The following CDC14A variants were observed in gnomAD, a reference collection of about 807,000 sequenced individuals.
CDC14A encodes cell division cycle 14A.
In CDC14A, 53 loss-of-function variants were observed where a neutral mutation model predicts 74.4. The observed-to-expected ratio is 0.71, with a 90% CI of 0.57 to 0.89. The LOEUF (loss-of-function observed/expected upper bound fraction) is 0.89. Among genes scored for constraint, CDC14A ranks in the 40% least tolerant of loss-of-function variants. The pLI, the probability that CDC14A is intolerant of heterozygous loss-of-function variation, is 0.00. For missense variants in CDC14A, 646 were observed against 713.7 expected (o/e 0.91, Z 1.08); for synonymous variants, 247 against 258.4 (o/e 0.96, Z 0.43).
chr1:100,498,614 C>T (rs1648234621), intron 14 of CDC14A, among the ~76,000 whole-genome samples: 1 of 152,160 alleles, frequency 6.6e-6, no homozygotes, highest in Non-Finnish European at 1.5e-5. Flanking sequence ...TGGCCCTTTT[C>T]CTTTACTTCC....
chr1:100,399,574 T>G (rs1277852724), intron 4 of CDC14A, among the ~76,000 whole-genome samples: 1 of 152,200 alleles, frequency 6.6e-6, no homozygotes, highest in African/African-American at 2.4e-5. Flanking sequence ...TAGTAATCAT[T>G]TTTTTGATTA....
chr1:100,472,820 A>G (rs1668519642), intron 10 of CDC14A, among the ~76,000 whole-genome samples: 1 of 152,054 alleles, frequency 6.6e-6, no homozygotes, highest in Admixed American at 6.5e-5. Context: ...TTTCGTTGAA[A>G]ATTCAGTTTC....
intron 10 of CDC14A, among the ~76,000 whole-genome samples, chr1:100,482,779 T>C (rs550976192): frequency 9.9e-5 from 15 of 152,160 alleles, no homozygotes; most frequent in African/African-American, 3.4e-4. Context: ...TCTCTCTCTC[T>C]GTGTATATAT....
chr1:100,489,363 C>A (rs1334967100), intron 11 of CDC14A, among the ~76,000 whole-genome samples: 2 of 151,980 alleles, frequency 1.3e-5, no homozygotes, highest in Admixed American at 1.3e-4. Context: ...ATCTTTATTC[C>A]CTAGTGTGCT....
rs1042745307 is a variant in CDC14A at position 100,518,427 on chromosome 1, C to G, written c.*147C>G. On this transcript the variant is annotated 3_prime_UTR_variant, in exon 16 of 16. Transcript: ENST00000336454. ...AAAAAGAGCACTAAGATAACACCTT[C>G]AAGAGACTTGAAAACAGAAAACTGG... 5 of 616,824 alleles carry G rather than the reference C, an allele frequency of 8.1e-6. No individual in the cohort carries two copies. Among genetic ancestry groups the G allele is most frequent in the Non-Finnish European group, 1.4e-5 (5 of 345,116 alleles). The allele number at this position is 616,824 out of a possible 1,614,324, so 38.2% of individuals were successfully genotyped here.
intron 2 of CDC14A, among the ~76,000 whole-genome samples, chr1:100,376,030 G>A (rs951654027): frequency 6.6e-6 from 1 of 152,040 alleles, no homozygotes; most frequent in African/African-American, 2.4e-5. Context: ...CCATCATTCT[G>A]AGCAAACTAT....
At chr1:100,358,475 C>T (rs1379265614) in intron 2 of CDC14A, among the ~76,000 whole-genome samples, 1 of 152,188 alleles carries the variant, frequency 6.6e-6, no homozygotes, top group Non-Finnish European at 1.5e-5. Context: ...CATTTTCAGC[C>T]TGTCCATTGT....
intron 11 of CDC14A, chr1:100,485,143 AT>A (rs1193542188): frequency 1.0e-6 from 1 of 985,260 alleles, no homozygotes; most frequent in African/African-American, 1.7e-5. Flanking sequence ...GATTATGAGC[AT>A]TTTTGGAACT....
intron 15 of CDC14A, among the ~76,000 whole-genome samples, chr1:100,501,563 C>T (rs1648734051): frequency 6.6e-6 from 1 of 152,180 alleles, no homozygotes; most frequent in Admixed American, 6.5e-5. Context: ...CAATTATGTA[C>T]AGTGCATAAT....
chr1:100,400,467 A>C (rs1158407738), intron 4 of CDC14A, among the ~76,000 whole-genome samples: 5 of 152,196 alleles, frequency 3.3e-5, no homozygotes, highest in Non-Finnish European at 7.3e-5. Flanking sequence ...CTTGTTGGTA[A>C]ATCTAACGGC....
At chr1:100,354,080 C>T (rs994754587) in intron 2 of CDC14A, among the ~76,000 whole-genome samples, 4 of 152,118 alleles carry the variant, frequency 2.6e-5, no homozygotes, top group Non-Finnish European at 4.4e-5. Flanking sequence ...TTAGTTCTTC[C>T]TACCACCACA....
Position 100,484,462 on chromosome 1 carries a change from C to G in CDC14A, c.1137+11C>G. 1 of 1,589,790 alleles carries G rather than the reference C, an allele frequency of 6.3e-7. No homozygotes were observed. The highest frequency in any genetic ancestry group is 8.5e-7 in the Non-Finnish European group (1 of 1,170,732). The stretch of plus-strand genomic sequence containing the variant: ...GAACGATTTGGAGAGGTAAGTTTTC[C>G]CTAGGAGATTCTATCTTCTTAAAAC... On this transcript the variant is annotated intron_variant, in intron 11 of 15. Transcript: ENST00000336454.
At chr1:100,372,978 G>C (rs965962982) in intron 2 of CDC14A, among the ~76,000 whole-genome samples, 14 of 152,150 alleles carry the variant, frequency 9.2e-5, no homozygotes, top group Non-Finnish European at 1.9e-4. Flanking sequence ...AAGCTATTTT[G>C]TTTTTGTATC....
intron 2 of CDC14A, among the ~76,000 whole-genome samples, chr1:100,370,787 T>A (rs1654377134): frequency 6.6e-6 from 1 of 152,150 alleles, no homozygotes; most frequent in African/African-American, 2.4e-5. Context: ...TTTGACTATT[T>A]GGCCTTATTT....
At chr1:100,407,390 G>A (rs541373497) in intron 4 of CDC14A, among the ~76,000 whole-genome samples, 48 of 152,194 alleles carry the variant, frequency 3.2e-4, no homozygotes, top group African/African-American at 1.1e-3. Flanking sequence ...GCAGTGGTTT[G>A]TAGTTCTCCT....
chr1:100,383,150 G>T (rs1390290854), intron 3 of CDC14A, among the ~76,000 whole-genome samples: 2 of 152,096 alleles, frequency 1.3e-5, no homozygotes, highest in African/African-American at 2.4e-5. Context: ...CCATAGGAGC[G>T]AGCATATACC....
chr1:100,485,171 C>T lies in CDC14A; in HGVS notation c.1137+720C>T, dbSNP rs1157273161. 5 of 985,182 alleles carry T rather than the reference C, an allele frequency of 5.1e-6. No homozygotes were observed. In the African/African-American group the frequency reaches 8.7e-5, roughly 17 times the overall value. The allele number at this position is 985,182 out of a possible 1,614,324, so 61.0% of individuals were successfully genotyped here. ...TTTGGAACTAGAAACAACGTTGAAA[C>T]ACCATTTGTTTGGTTCCACTATTGT... On this transcript the variant is annotated intron_variant, in intron 11 of 15. Transcript: ENST00000336454.
chr1:100,363,738 T>C (rs1329465729), intron 2 of CDC14A, among the ~76,000 whole-genome samples: 2 of 152,180 alleles, frequency 1.3e-5, no homozygotes, highest in African/African-American at 2.4e-5. Context: ...TATCTGGATA[T>C]GTGGCATTTC....
intron 10 of CDC14A, among the ~76,000 whole-genome samples, chr1:100,473,429 C>T (rs566611611): frequency 6.6e-6 from 1 of 152,032 alleles, no homozygotes; most frequent in Admixed American, 6.5e-5. Context: ...TCTTTTTGCC[C>T]AAGCTGGAGT....
Sources: allele counts gnomAD v4.1 joint callset (sites outside exome capture counted in the v4.1 genomes callset), GRCh38; gene constraint gnomAD v4.1.1; transcripts MANE v1.5; gene names NCBI Gene and HGNC (gene_info 2026-07-23, HGNC 2026-07-21).